Variants in SYCP2 observed in about 807,000 individuals in gnomAD.
SYCP2 encodes synaptonemal complex lateral element protein.
Under a neutral mutation model 211.3 loss-of-function variants are expected in SYCP2, and 55 were observed. The observed-to-expected ratio is 0.26, with a 90% confidence interval of 0.21 to 0.33. SYCP2 has a LOEUF of 0.33. Ranked by LOEUF, SYCP2 falls within the 10% of genes least tolerant of loss-of-function variation. SYCP2 has a pLI of 1.00. For synonymous variants in SYCP2, 570 were observed against 555.2 expected (o/e 1.03, Z -0.37); for missense variants, 1,731 against 1,752.0 (o/e 0.99, Z 0.21).
chr20:59,887,415 G>T (rs527795361), intron 24 of SYCP2, among the ~76,000 whole-genome samples: 1 of 152,078 alleles, frequency 6.6e-6, no homozygotes, highest in Non-Finnish European at 1.5e-5. Flanking sequence ...CATTTGGGTG[G>T]GTTCCAAGTC....
chr20:59,895,706 A>T, intron 19 of SYCP2, 109 bp from the exon 20 acceptor site: 11 of 1,295,490 alleles, frequency 8.5e-6, no homozygotes, highest in Non-Finnish European at 1.2e-5. Context: ...GATGGTTCCC[A>T]GGTTTCTGGC....
At chr20:59,870,730 C>A (rs1318599645) in intron 35 of SYCP2, among the ~76,000 whole-genome samples, 2 of 151,722 alleles carry the variant, frequency 1.3e-5, no homozygotes, top group Middle Eastern at 3.2e-3. Flanking sequence ...TGTAAAATGA[C>A]CCCAATTAAA....
intron 12 of SYCP2, 52 bp from the exon 13 acceptor site, chr20:59,912,470 T>A (rs772626873): frequency 3.0e-6 from 2 of 656,488 alleles, no homozygotes; most frequent in Non-Finnish European, 5.0e-6. Context: ...CACAGCATAA[T>A]CTTGTCCAGT....
chr20:59,932,871 G>T (rs957718965), intron 1 of SYCP2, among the ~76,000 whole-genome samples: 2 of 152,110 alleles, frequency 1.3e-5, no homozygotes, highest in Non-Finnish European at 2.9e-5. Context: ...CGGCGGGAGG[G>T]AGAGAAGGGA....
Position 59,901,734 on chromosome 20 carries a change from C to T in SYCP2, c.1110G>A (p.Leu370=). 1.2e-6 allele frequency: 2 copies of T among 1,604,586 alleles called. No homozygotes were observed. The highest frequency in any genetic ancestry group is 1.7e-6 in the Non-Finnish European group (2 of 1,175,476). ...VKISKREGKE[L]LLYFDASLEI... is the part of the protein sequence containing the mutation. ...CTAGTGATGCGTCAAAATACAAAAGCAATTCTTTCCCTTCTCTTTTGCTAA... is the reference window on the plus strand; with the variant it reads ...CTAGTGATGCGTCAAAATACAAAAGTAATTCTTTCCCTTCTCTTTTGCTAA... The change falls in exon 16 of 45, where the codon TTG becomes TTA. Residue 370 remains leucine, a synonymous_variant. Transcript: ENST00000357552.
Position 59,886,837 on chromosome 20 carries a change from G to A in SYCP2, c.2365-3C>T. ...TCTTTCCCTTTTGACTTTTCTCTCT[G>A]AAAAAAATTGTAAGTTACTTTTAAA... On this transcript the variant is annotated splice_region_variant and splice_polypyrimidine_tract_variant and intron_variant, in intron 24 of 44. Transcript: ENST00000357552. 2 of 1,561,836 alleles carry A rather than the reference G, an allele frequency of 1.3e-6. No individual in the cohort carries two copies. Among genetic ancestry groups the A allele is most frequent in the South Asian group, 1.2e-5 (1 of 83,166 alleles).
chr20:59,879,862 T>TATATATATACAC (rs1469618397), intron 31 of SYCP2, among the ~76,000 whole-genome samples: 2 of 116,086 alleles, frequency 1.7e-5, no homozygotes, highest in Non-Finnish European at 3.6e-5. Context: ...TATATATATA[T>TATATATATACAC]ACACACACAC....
At chr20:59,895,345 G>GA in intron 20 of SYCP2, 92 bp downstream of exon 20, 1 of 1,055,352 alleles carries the variant, frequency 9.5e-7, no homozygotes. Context: ...AACAAAATGA[G>GA]ACACTTGCAG....
At chr20:59,879,827 ATATAT>A (rs1568921793) in intron 31 of SYCP2, among the ~76,000 whole-genome samples, 32 of 5,720 alleles carry the variant, frequency 5.6e-3, no homozygotes, top group Non-Finnish European at 8.1e-3. Flanking sequence ...AAATAAATAT[ATATAT>A]ATATATATAT....
intron 2 of SYCP2, 94 bp from the exon 3 acceptor site, chr20:59,922,553 TTTATACC>T: frequency 1.8e-6 from 1 of 540,858 alleles, no homozygotes; most frequent in Non-Finnish European, 3.1e-6. Context: ...GCATTTGTTA[TTTATACC>T]AAAGGCAACA....
intron 2 of SYCP2, among the ~76,000 whole-genome samples, chr20:59,930,759 G>A (rs750289198): frequency 1.3e-4 from 20 of 151,556 alleles, no homozygotes; most frequent in South Asian, 2.1e-4. Context: ...AAGCAATTCC[G>A]GTGTTATTAA....
In SYCP2 at chr20:59,880,977, T is replaced by C. The variant is rs1349572272; in HGVS notation, c.2761A>G (p.Lys921Glu). 5.4e-6 allele frequency: 8 copies of C among 1,473,900 alleles called. No homozygotes were observed. Among genetic ancestry groups the C allele is most frequent in the Non-Finnish European group, 7.4e-6 (8 of 1,075,630 alleles). 91.3% of individuals were successfully genotyped at this position (1,473,900 alleles called of 1,614,324 possible). Residue 921 changes from lysine to glutamate, a missense_variant, in exon 30 of 45, where the codon AAA (lysine) becomes GAA (glutamate). Lys to Glu is a moderately conservative substitution (Grantham distance 56). Around this residue, in one of 3 missense-constraint regions of SYCP2, gnomAD observed 1,387 missense variants for 1,351.3 expected, o/e 1.03. Coordinates refer to ENST00000357552, the MANE Select transcript of SYCP2 (RefSeq NM_014258.4). ...ATATTATAACTTACTTTTTTATCTT[T>C]TGTTTTGACAGAAGATTTAAGTTCA... is the stretch of plus-strand genomic sequence containing the variant. ...HDELKSSVKT[K>E]DKKIITNHQK...
rs895953950 is a variant in SYCP2 at position 59,932,051 on chromosome 20, C to G, written c.-47+11G>C. 1 of 152,000 alleles carries G rather than the reference C, an allele frequency of 6.6e-6. No homozygotes were observed. Among genetic ancestry groups the G allele is most frequent in the South Asian group, 2.1e-4 (1 of 4,822 alleles). 9.4% of individuals were successfully genotyped at this position (152,000 alleles called of 1,614,324 possible). On this transcript the variant is annotated intron_variant, in intron 2 of 44. Transcript: ENST00000357552. Reference sequence around the variant, plus strand: ...CAGAATAATAATGTTTCAAGAGAAGCGTGGATTTACCTGACAAGTAAGCAG... The same window carrying G: ...CAGAATAATAATGTTTCAAGAGAAGGGTGGATTTACCTGACAAGTAAGCAG...
At chr20:59,866,652 A>C in intron 39 of SYCP2, 63 bp from the exon 40 acceptor site, 1 of 1,055,162 alleles carries the variant, frequency 9.5e-7, no homozygotes. Flanking sequence ...CCAAGACTAC[A>C]GTAACAGCAA....
In SYCP2 at chr20:59,875,347, A is replaced by G. The variant is rs2059534608; in HGVS notation, c.3273T>C (p.Asp1091=). 6.2e-7 allele frequency: 1 copy of G among 1,612,502 alleles called. No homozygotes were observed. The highest frequency in any genetic ancestry group is 1.3e-5 in the African/African-American group (1 of 74,850). ...AGTCAAGGCAATTATCTCGTATAGC[A>G]TCTTTTAGTAGAGATGAGTTTTTCC... ...KQWKNSSLLK[D]AIRDNCLDLS... The change falls in exon 34 of 45, where the codon GAT becomes GAC. Residue 1091 remains aspartate (D), a synonymous_variant. Coordinates refer to ENST00000357552, the MANE Select transcript of SYCP2 (RefSeq NM_014258.4).
Position 59,907,626 on chromosome 20 carries a change from G to A in SYCP2, c.973-202C>T, listed in dbSNP as rs140621321. On this transcript the variant is annotated intron_variant, in intron 14 of 44. Coordinates refer to ENST00000357552, the MANE Select transcript of SYCP2 (RefSeq NM_014258.4). ...TAATGTATTTGTTCATTATTAAAAC[G>A]AAATGATGATTTTGACAATTTTCTA... is the stretch of plus-strand genomic sequence containing the variant. 1.2e-3 allele frequency among the ~76,000 whole-genome samples: 176 copies of A among 152,050 alleles called. 1 individual carries two copies. The highest frequency in any genetic ancestry group is 4.0e-3 in the African/African-American group (167 of 41,490).
intron 35 of SYCP2, 80 bp from the exon 36 acceptor site, chr20:59,870,063 TAAG>T: frequency 1.1e-6 from 1 of 922,798 alleles, no homozygotes; most frequent in African/African-American, 1.7e-5. Flanking sequence ...GAGTTGAACA[TAAG>T]AAACATTAAA....
rs2060652444 is a variant in SYCP2, at chr20:59,927,358, C to T, written c.-47+4704G>A. ...ACTGCTGAAACATCTTTATGTATTG[C>T]CAAATACCTTTGTTCAGTATAGTAC... On this transcript the variant is annotated intron_variant, in intron 2 of 44. Transcript: ENST00000357552. Among the ~76,000 whole-genome samples the T allele has an allele frequency of 6.6e-5, 10 of 152,000 alleles. No individual in the cohort carries two copies. In the South Asian group the frequency reaches 2.1e-3, roughly 31 times the overall value.
chr20:59,899,540 G>A (rs940075611), intron 18 of SYCP2, among the ~76,000 whole-genome samples: 5 of 152,178 alleles, frequency 3.3e-5, no homozygotes, highest in Non-Finnish European at 5.9e-5. Context: ...TGGGTTTAGA[G>A]CAAACCTACC....
Sources: gnomAD v4.1 joint callset for allele counts (sites outside exome capture counted in the v4.1 genomes callset) on GRCh38, gnomAD v4.1.1 for gene constraint, gnomAD v4.1.1 regional missense constraint, MANE v1.5 for transcripts, NCBI Gene and HGNC (gene_info 2026-07-23, HGNC 2026-07-21) for gene names.